XIRP2: variants seen among roughly 807,000 people sequenced by gnomAD.
The protein encoded by XIRP2 is xin actin-binding repeat-containing protein 2.
In XIRP2, 236 loss-of-function variants were observed where a neutral mutation model predicts 277.0. That is an observed-to-expected ratio of 0.85 (90% CI 0.77 to 0.95). The LOEUF (loss-of-function observed/expected upper bound fraction) is 0.95, where lower values mean the gene tolerates loss of function less well. Ranked by LOEUF, XIRP2 falls within the 40% of genes least tolerant of loss-of-function variation. XIRP2 has a pLI of 0.00. For synonymous variants in XIRP2, 1,490 were observed against 1,416.5 expected (o/e 1.05, Z -1.17); for missense variants, 4,640 against 4,157.5 (o/e 1.12, Z -3.19).
rs565470102 is a variant in XIRP2 at position 167,026,381 on chromosome 2, C to T, written c.409-109528C>T. Among the ~76,000 whole-genome samples, 11 of 152,260 alleles carry T rather than the reference C, an allele frequency of 7.2e-5. 1 individual carries two copies. In the East Asian group the frequency reaches 2.1e-3, roughly 29 times the overall value. ...CGTGAGATGGGTTTCCTGAATACAG[C>T]ACACTGAAGGGTCTTGACTCTTTAT... is the stretch of plus-strand genomic sequence containing the variant. On this transcript the variant is annotated intron_variant, in intron 2 of 10. Transcript: ENST00000409195.
chr2:167,193,347 C>T (rs780854719), intron 3 of XIRP2, among the ~76,000 whole-genome samples: 4 of 152,100 alleles, frequency 2.6e-5, no homozygotes, highest in Non-Finnish European at 4.4e-5. Context: ...ATGTTATTGC[C>T]ATTTCTTTCA....
At chr2:167,022,883 T>C (rs887048678) in intron 2 of XIRP2, among the ~76,000 whole-genome samples, 1 of 152,206 alleles carries the variant, frequency 6.6e-6, no homozygotes, top group African/African-American at 2.4e-5. Flanking sequence ...GTTCCAAGTC[T>C]TTGCTATTGT....
Position 167,259,420 on chromosome 2 carries a change from A to C in XIRP2, c.*1603A>C. On this transcript the variant is annotated 3_prime_UTR_variant, in exon 11 of 11. Coordinates refer to ENST00000409195, the MANE Select transcript of XIRP2 (RefSeq NM_152381.6). ...GGCACTGAGAGATATTGATGTTCTG[A>C]AATAAGATTTTATGAATTTGGATAC... is the stretch of plus-strand genomic sequence containing the variant. 6.7e-7 allele frequency: 1 copy of C among 1,487,272 alleles called. No homozygotes were observed. The highest frequency in any genetic ancestry group is 9.0e-7 in the Non-Finnish European group (1 of 1,114,970). 92.1% of individuals were successfully genotyped at this position (1,487,272 alleles called of 1,614,324 possible). A position where few individuals can be genotyped will look rare whatever the true frequency, so the allele number is the denominator to read the frequency against.
chr2:166,970,251 A>C (rs1158719401), intron 2 of XIRP2, among the ~76,000 whole-genome samples: 1 of 151,962 alleles, frequency 6.6e-6, no homozygotes, highest in Non-Finnish European at 1.5e-5. Context: ...AGACATGAAT[A>C]ATCTAAAATG....
At chr2:167,219,417 G>A (rs1694357116) in intron 5 of XIRP2, among the ~76,000 whole-genome samples, 1 of 152,144 alleles carries the variant, frequency 6.6e-6, no homozygotes, top group African/African-American at 2.4e-5. Context: ...ATCATTAATA[G>A]TTTAAATAAC....
At chr2:166,923,884 T>C (rs2105360502) in intron 2 of XIRP2, among the ~76,000 whole-genome samples, 1 of 152,222 alleles carries the variant, frequency 6.6e-6, no homozygotes, top group South Asian at 2.1e-4. Context: ...TGACAGGCTA[T>C]GTCTAACCTT....
chr2:167,240,220 T>A (rs1220221823), intron 6 of XIRP2, among the ~76,000 whole-genome samples: 1 of 152,008 alleles, frequency 6.6e-6, no homozygotes, highest in Non-Finnish European at 1.5e-5. Flanking sequence ...AAGAGCAGTG[T>A]GGCCAACATA....
At chr2:167,200,896 C>A (rs1254225265) in intron 3 of XIRP2, among the ~76,000 whole-genome samples, 1 of 152,080 alleles carries the variant, frequency 6.6e-6, no homozygotes, top group African/African-American at 2.4e-5. Flanking sequence ...GAGGCCAAGG[C>A]AGCTGTATTA....
intron 2 of XIRP2, among the ~76,000 whole-genome samples, chr2:166,958,967 A>C (rs1375353711): frequency 4.6e-5 from 7 of 151,456 alleles, no homozygotes; most frequent in Admixed American, 4.0e-4. Flanking sequence ...TCTAGCACAG[A>C]CTCCTCTGCC....
intron 3 of XIRP2, among the ~76,000 whole-genome samples, chr2:167,201,194 GAAAGAAAGAAAGAAAGAAAGAAAGAA>G (rs1693681934): frequency 1.3e-4 from 2 of 15,586 alleles, no homozygotes; most frequent in Admixed American, 7.6e-4. Context: ...GAGAGAGAAA[GAAAGAAAGAAAGAAAGAAAGAAAGAA>G]AGAAAGAAAG....
intron 5 of XIRP2, among the ~76,000 whole-genome samples, chr2:167,223,839 C>T (rs1455619766): frequency 1.3e-5 from 2 of 152,116 alleles, no homozygotes; most frequent in Admixed American, 6.6e-5. Flanking sequence ...AGTACCAGCA[C>T]TCAAAATGAG....
intron 2 of XIRP2, among the ~76,000 whole-genome samples, chr2:166,923,646 C>G (rs1180140153): frequency 6.6e-6 from 1 of 152,000 alleles, no homozygotes; most frequent in Non-Finnish European, 1.5e-5. Flanking sequence ...GTTTGGAAAC[C>G]ATGTTACATC....
intron 2 of XIRP2, among the ~76,000 whole-genome samples, chr2:167,065,970 T>C (rs553553071): frequency 6.6e-6 from 1 of 152,076 alleles, no homozygotes; most frequent in East Asian, 1.9e-4. Context: ...ACTTACACAC[T>C]TAATGTATGC....
chr2:167,241,938 T>G (rs866047912), intron 8 of XIRP2, 28 bp downstream of exon 8: 1 of 1,598,742 alleles, frequency 6.3e-7, no homozygotes, highest in Middle Eastern at 1.7e-4. Flanking sequence ...CACAGAAACA[T>G]ACTAAGTGTA....
intron 2 of XIRP2, among the ~76,000 whole-genome samples, chr2:167,087,977 T>C (rs1433124472): frequency 1.3e-5 from 2 of 152,140 alleles, no homozygotes; most frequent in Non-Finnish European, 2.9e-5. Flanking sequence ...CACCATGTAT[T>C]TTCATGAATT....
intron 5 of XIRP2, among the ~76,000 whole-genome samples, chr2:167,222,515 C>A (rs1020641770): frequency 6.6e-6 from 1 of 152,146 alleles, no homozygotes; most frequent in Admixed American, 6.5e-5. Context: ...TTAAACCCAA[C>A]CCTCTTTAAG....
intron 4 of XIRP2, among the ~76,000 whole-genome samples, chr2:167,212,895 C>T (rs13022651): frequency 1.3e-5 from 1 of 76,890 alleles, no homozygotes; most frequent in Non-Finnish European, 2.3e-5. Flanking sequence ...AGCCACCCCC[C>T]CACCCCCCCA....
rs1693247611 is a variant in XIRP2 at position 167,189,068 on chromosome 2, G to T, written c.563-21667G>T. Among the ~76,000 whole-genome samples the T allele has an allele frequency of 2.6e-5, 4 of 152,262 alleles. No individual in the cohort carries two copies. In the Middle Eastern group the frequency reaches 0.01, roughly 388 times the overall value. The stretch of plus-strand genomic sequence containing the variant: ...AATGTACTGTTGTTCACAGTTGATA[G>T]CTTCCCACTATTCTCAGTTCCAGCC... On this transcript the variant is annotated intron_variant, in intron 3 of 10. Coordinates refer to ENST00000409195, the MANE Select transcript of XIRP2 (RefSeq NM_152381.6).
chr2:167,196,855 T>TG (rs1361552912), intron 3 of XIRP2, among the ~76,000 whole-genome samples: 2 of 152,010 alleles, frequency 1.3e-5, no homozygotes, highest in Non-Finnish European at 2.9e-5. Context: ...GGTATGTGTG[T>TG]GGAGTGGGGT....
Sources: gnomAD v4.1 joint callset for allele counts (sites outside exome capture counted in the v4.1 genomes callset) on GRCh38, gnomAD v4.1.1 for gene constraint, MANE v1.5 for transcripts, NCBI Gene and HGNC (gene_info 2026-07-23, HGNC 2026-07-21) for gene names.